ANXA13: variants seen among roughly 807,000 people sequenced by gnomAD.
ANXA13 encodes annexin A13.
A neutral mutation model predicts 46.6 loss-of-function variants in ANXA13; 36 were observed. That is an observed-to-expected ratio of 0.77 (90% CI 0.59 to 1.02). The LOEUF is 1.02. ANXA13 is among the 50% of genes least tolerant of loss of function. The pLI is 0.00. For missense variants in ANXA13, 417 were observed against 396.5 expected (o/e 1.05, Z -0.44); for synonymous variants, 163 against 152.9 (o/e 1.07, Z -0.49).
chr8:123,694,085 C>T (rs1434059057), intron 6 of ANXA13, among the ~76,000 whole-genome samples: 1 of 151,982 alleles, frequency 6.6e-6, no homozygotes, highest in Non-Finnish European at 1.5e-5. Context: ...AGAATGAGTC[C>T]CCTCTTCGTT....
chr8:123,720,908 T>C (rs1813856830), intron 1 of ANXA13, among the ~76,000 whole-genome samples: 3 of 152,038 alleles, frequency 2.0e-5, no homozygotes. Context: ...ACCTTAACAA[T>C]TGACCTTAAC....
At chr8:123,692,465 A>C (rs1355994154) in intron 8 of ANXA13, among the ~76,000 whole-genome samples, 2 of 152,194 alleles carry the variant, frequency 1.3e-5, no homozygotes, top group Non-Finnish European at 2.9e-5. Context: ...GCAAGTAAAG[A>C]CTGCTTTTCA....
At chr8:123,694,408 A>G (rs1813294535) in intron 6 of ANXA13, among the ~76,000 whole-genome samples, 1 of 152,196 alleles carries the variant, frequency 6.6e-6, no homozygotes, top group African/African-American at 2.4e-5. Context: ...GCTCTTCTTA[A>G]AAGGTCAGAG....
At chr8:123,732,579 T>G (rs536362741) in intron 1 of ANXA13, among the ~76,000 whole-genome samples, 147 of 152,178 alleles carry the variant, frequency 9.7e-4, no homozygotes, top group African/African-American at 3.4e-3. Flanking sequence ...GCTCTAGAAT[T>G]CTTGTGTTGA....
In ANXA13 at chr8:123,732,567, C is replaced by T. The variant is rs16898808; in HGVS notation, c.15+4753G>A. 4.5e-3 allele frequency among the ~76,000 whole-genome samples: 690 copies of T among 152,176 alleles called. 8 individuals carry two copies. Among genetic ancestry groups the T allele is most frequent in the African/African-American group, 0.016 (661 of 41,524 alleles). On this transcript the variant is annotated intron_variant, in intron 1 of 10. Transcript: ENST00000419625. ...TGCACCAAGTGGCTCCAGACTCCCG[C>T]GGCTCTAGAATTCTTGTGTTGAGGT... is the stretch of plus-strand genomic sequence containing the variant.
chr8:123,705,233 A>G (rs1266961235), intron 2 of ANXA13, among the ~76,000 whole-genome samples: 6 of 152,136 alleles, frequency 3.9e-5, no homozygotes, highest in Non-Finnish European at 7.3e-5. Flanking sequence ...ACTGCCTAAC[A>G]GGTCCTAAGT....
chr8:123,702,452 G>A (rs1813461509), intron 3 of ANXA13, among the ~76,000 whole-genome samples, 190 bp downstream of exon 3: 1 of 152,154 alleles, frequency 6.6e-6, no homozygotes, highest in Non-Finnish European at 1.5e-5. Context: ...GATTTTACAG[G>A]CTATTGAGTT....
intron 2 of ANXA13, among the ~76,000 whole-genome samples, chr8:123,709,335 CTTCT>C (rs1813609734): frequency 6.6e-6 from 1 of 151,672 alleles, no homozygotes; most frequent in Non-Finnish European, 1.5e-5. Flanking sequence ...CTTCCTCTCT[CTTCT>C]TTCTTCTTTC....
At chr8:123,716,742 A>G (rs955650993) in intron 1 of ANXA13, among the ~76,000 whole-genome samples, 2 of 152,098 alleles carry the variant, frequency 1.3e-5, no homozygotes, top group Non-Finnish European at 2.9e-5. Context: ...TCGGGAATGT[A>G]GATGGAGCGG....
At chr8:123,715,354 G>A (rs540866194) in intron 1 of ANXA13, among the ~76,000 whole-genome samples, 1 of 152,368 alleles carries the variant, frequency 6.6e-6, no homozygotes, top group South Asian at 2.1e-4. Context: ...AAGTGTGGAA[G>A]TGGCAACTTC....
chr8:123,693,356 A>G (rs1813275772), intron 7 of ANXA13, 58 bp from the exon 8 acceptor site: 1 of 1,492,362 alleles, frequency 6.7e-7, no homozygotes, highest in Non-Finnish European at 9.3e-7. Context: ...CTGATTATGC[A>G]GTGCTGTGAC....
At position 123,698,439 on chromosome 8, in the gene ANXA13, C is replaced by T. The variant is rs1204654508; in HGVS notation, c.307G>A (p.Gly103Ser). 4 of 1,614,038 alleles carry T rather than the reference C, an allele frequency of 2.5e-6. No individual in the cohort carries two copies. The African/African-American group carries it at 5.3e-5, about 22-fold the overall frequency. Residue 103 changes from glycine to serine, a missense_variant, in exon 4 of 11, where the codon GGC becomes AGC. By Grantham distance (56) the Gly-to-Ser change is moderately conservative. Transcript: ENST00000419625. ...RQLQKAMKGL[G>S]TDESVLIEVL... ...TCAATGAGGACGGACTCATCTGTGCCCAGACCCTTCATAGCCTTCTGCAGC... is the reference window on the plus strand; with the variant it reads ...TCAATGAGGACGGACTCATCTGTGCTCAGACCCTTCATAGCCTTCTGCAGC...
At chr8:123,700,876 G>A (rs1025912161) in intron 3 of ANXA13, among the ~76,000 whole-genome samples, 5 of 151,718 alleles carry the variant, frequency 3.3e-5, no homozygotes, top group Non-Finnish European at 7.4e-5. Context: ...AGGCTGGAGT[G>A]CAGTGGTGCA....
chr8:123,688,353 G>T (rs1440595767), intron 9 of ANXA13, among the ~76,000 whole-genome samples: 2 of 152,156 alleles, frequency 1.3e-5, no homozygotes, highest in African/African-American at 4.8e-5. Flanking sequence ...ATGATTGTGA[G>T]GCCTCCCCAG....
At chr8:123,688,254 T>A (rs552004102) in intron 9 of ANXA13, among the ~76,000 whole-genome samples, 1 of 152,310 alleles carries the variant, frequency 6.6e-6, no homozygotes, top group South Asian at 2.1e-4. Flanking sequence ...TTCACGAGAT[T>A]TGATGATTTT....
chr8:123,718,654 A>G (rs1586333881), intron 1 of ANXA13, among the ~76,000 whole-genome samples: 1 of 152,176 alleles, frequency 6.6e-6, no homozygotes, highest in East Asian at 1.9e-4. Context: ...TCTTCCTTCT[A>G]GTAGGTCTAC....
intron 1 of ANXA13, among the ~76,000 whole-genome samples, chr8:123,720,780 A>C (rs1417563332): frequency 6.6e-6 from 1 of 151,648 alleles, no homozygotes. Context: ...AGAGGGACTC[A>C]CTATGTTGCC....
At chr8:123,681,474 T>TATCTCAAGGGC in intron 10 of ANXA13, 115 bp from the exon 11 acceptor site, 1 of 992,354 alleles carries the variant, frequency 1.0e-6, no homozygotes, top group Non-Finnish European at 1.5e-6. Context: ...AAAACAGCCC[T>TATCTCAAGGGC]TGAGATAGGG....
intron 8 of ANXA13, among the ~76,000 whole-genome samples, chr8:123,691,713 G>T (rs902730793): frequency 1.1e-4 from 17 of 152,312 alleles, no homozygotes; most frequent in Admixed American, 1.0e-3. Flanking sequence ...TGGAACACCT[G>T]CTCTAACACA....
Sources: allele counts gnomAD v4.1 joint callset (sites outside exome capture counted in the v4.1 genomes callset), GRCh38; gene constraint gnomAD v4.1.1; transcripts MANE v1.5; gene names NCBI Gene and HGNC (gene_info 2026-07-23, HGNC 2026-07-21).